Variants in PLEKHG4B observed in about 807,000 individuals in gnomAD.
PLEKHG4B encodes pleckstrin homology domain-containing family G member 4B.
Under a neutral mutation model 121.3 loss-of-function variants are expected in PLEKHG4B, and 111 were observed. That is an observed-to-expected ratio of 0.92 (90% CI 0.78 to 1.07). The LOEUF (loss-of-function observed/expected upper bound fraction) is 1.07. Ranked by LOEUF, PLEKHG4B falls within the 50% of genes least tolerant of loss-of-function variation. PLEKHG4B has a pLI of 0.00. For missense variants in PLEKHG4B, 1,831 were observed against 1,757.8 expected (o/e 1.04, Z -0.74); for synonymous variants, 738 against 725.0 (o/e 1.02, Z -0.29).
chr5:116,108 T>C (rs1734300202), intron 2 of PLEKHG4B, among the ~76,000 whole-genome samples: 1 of 152,202 alleles, frequency 6.6e-6, no homozygotes, highest in Non-Finnish European at 1.5e-5. Context: ...TGTCCAACTC[T>C]TCCTTTGACT....
At chr5:135,665 CAAAA>C (rs139636561) in intron 2 of PLEKHG4B, among the ~76,000 whole-genome samples, 243 of 18,092 alleles carry the variant, frequency 0.013, 14 homozygotes, top group African/African-American at 0.046. Context: ...GACTCCATCT[CAAAA>C]AAAAAAAAAA....
chr5:119,773 G>C (rs1214776070), intron 2 of PLEKHG4B, among the ~76,000 whole-genome samples: 1 of 152,172 alleles, frequency 6.6e-6, no homozygotes, highest in Non-Finnish European at 1.5e-5. Flanking sequence ...GACCTTCTTT[G>C]CTGAGACAAG....
intron 1 of PLEKHG4B, among the ~76,000 whole-genome samples, chr5:95,738 T>C (rs1733611388): frequency 6.6e-6 from 1 of 152,174 alleles, no homozygotes; most frequent in Non-Finnish European, 1.5e-5. Context: ...CTCCAGTGTC[T>C]AGTGGAGGGA....
In PLEKHG4B at chr5:184,686, G is replaced by A. The variant is rs1411998607; in HGVS notation, c.*2363G>A. The A allele has an allele frequency of 6.6e-6, 1 of 152,230 alleles. No individual in the cohort carries two copies. Among genetic ancestry groups the A allele is most frequent in the Admixed American group, 6.5e-5 (1 of 15,284 alleles). 9.4% of individuals were successfully genotyped at this position (152,230 alleles called of 1,614,324 possible). On this transcript the variant is annotated 3_prime_UTR_variant, in exon 20 of 20. Coordinates refer to ENST00000637938, the MANE Select transcript of PLEKHG4B (RefSeq NM_052909.5). ...GCCCCAAGGAATGAGTGCTGGCAGT[G>A]AGCTGCACTTTTTTTTTCTCTAAAC...
At chr5:143,762 T>A (rs921068390) in intron 5 of PLEKHG4B, among the ~76,000 whole-genome samples, 1 of 152,180 alleles carries the variant, frequency 6.6e-6, no homozygotes, top group African/African-American at 2.4e-5. Flanking sequence ...GCACACTCAC[T>A]CTTTGGACCA....
intron 1 of PLEKHG4B, among the ~76,000 whole-genome samples, chr5:104,333 T>C (rs1733911272): frequency 6.6e-6 from 1 of 152,234 alleles, no homozygotes; most frequent in Admixed American, 6.5e-5. Flanking sequence ...CTCACAGATG[T>C]GCATGTGCCA....
chr5:156,692 G>C lies in PLEKHG4B; in HGVS notation c.2349-81G>C, dbSNP rs1166417119. ...TGGCATGAGGGAATGGAAAGAGCAG[G>C]GTTTTTATATGGGGTTGTCACCAAG... On this transcript the variant is annotated intron_variant, in intron 10 of 19. Coordinates refer to ENST00000637938, the MANE Select transcript of PLEKHG4B (RefSeq NM_052909.5). This position sits in a 1 kb window ranked among gnomAD's most constrained non-coding sequence, Gnocchi z 4.4. 1.4e-6 allele frequency: 2 copies of C among 1,474,546 alleles called. No homozygotes were observed. The highest frequency in any genetic ancestry group is 4.6e-5 in the Admixed American group (2 of 43,400). 91.3% of individuals were successfully genotyped at this position (1,474,546 alleles called of 1,614,324 possible). A position where few individuals can be genotyped will look rare whatever the true frequency, so the allele number is the denominator to read the frequency against.
chr5:117,121 C>T (rs992167698), intron 2 of PLEKHG4B, among the ~76,000 whole-genome samples: 3 of 152,130 alleles, frequency 2.0e-5, no homozygotes, highest in African/African-American at 7.2e-5. Flanking sequence ...AATTATGGTA[C>T]TTTAATATGG....
intron 6 of PLEKHG4B, among the ~76,000 whole-genome samples, chr5:147,956 A>G (rs1375409327): frequency 6.6e-6 from 1 of 152,202 alleles, no homozygotes; most frequent in Non-Finnish European, 1.5e-5. Flanking sequence ...GATCAGTGTA[A>G]ACAGAATGAA....
Position 171,150 on chromosome 5 carries a change from G to GC in PLEKHG4B, c.3819+24dup, listed in dbSNP as rs752358190. 6 of 1,608,622 alleles carry GC rather than the reference G, an allele frequency of 3.7e-6. No individual in the cohort carries two copies. The highest frequency in any genetic ancestry group is 4.5e-5 in the East Asian group (2 of 44,798). On this transcript the variant is annotated intron_variant, in intron 15 of 19. Coordinates refer to ENST00000637938, the MANE Select transcript of PLEKHG4B (RefSeq NM_052909.5). ...TCTTCAAGGTCATCCCCCTCGGCCCGCCCCCCACAGCCTGCCCGGCCCTCA... is the reference window on the plus strand; with the variant it reads ...TCTTCAAGGTCATCCCCCTCGGCCCGCCCCCCCACAGCCTGCCCGGCCCTCA...
intron 13 of PLEKHG4B, among the ~76,000 whole-genome samples, chr5:164,526 CTGTGACAGGGGGCGGAGCTCACACAG>C (rs1736182176): frequency 1.1e-5 from 1 of 87,964 alleles, no homozygotes. Flanking sequence ...CACAGTAATG[CTGTGACAGGGGGCGGAGCTCACACAG>C]TAATGCTCTG....
At chr5:164,748 T>TCA (rs1223340767) in intron 13 of PLEKHG4B, among the ~76,000 whole-genome samples, 3 of 108,672 alleles carry the variant, frequency 2.8e-5, no homozygotes, top group African/African-American at 3.9e-5. Context: ...GGGGCGGGGC[T>TCA]CACAGTAATC....
At chr5:152,602 ATCTG>A (rs559334648) in intron 7 of PLEKHG4B, among the ~76,000 whole-genome samples, 74 of 152,210 alleles carry the variant, frequency 4.9e-4, no homozygotes, top group Middle Eastern at 3.4e-3. Context: ...ATCTCTAAGA[ATCTG>A]TCTTTTTTAA....
intron 16 of PLEKHG4B, among the ~76,000 whole-genome samples, chr5:172,550 G>A (rs1454061146): frequency 6.6e-6 from 1 of 152,214 alleles, no homozygotes. Flanking sequence ...GGTTTACCTT[G>A]TGATCTCTGC....
At chr5:145,365 C>T (rs1048249441) in intron 6 of PLEKHG4B, among the ~76,000 whole-genome samples, 8 of 152,208 alleles carry the variant, frequency 5.3e-5, no homozygotes. Context: ...CCATAGTTCA[C>T]TGCAAGGATG....
intron 1 of PLEKHG4B, among the ~76,000 whole-genome samples, chr5:103,578 T>C (rs1733886306): frequency 6.6e-6 from 1 of 152,224 alleles, no homozygotes; most frequent in Non-Finnish European, 1.5e-5. Flanking sequence ...TCCTTTTCTA[T>C]TCCTTCTTAA....
chr5:172,113 G>A (rs1320446859), intron 16 of PLEKHG4B, among the ~76,000 whole-genome samples: 5 of 152,256 alleles, frequency 3.3e-5, no homozygotes, highest in Non-Finnish European at 7.3e-5. Context: ...GACCCCACAT[G>A]AGCTGGAAAA....
At chr5:106,647 T>C (rs1017936650) in intron 1 of PLEKHG4B, among the ~76,000 whole-genome samples, 19 of 152,210 alleles carry the variant, frequency 1.2e-4, no homozygotes, top group African/African-American at 4.3e-4. Context: ...GCAAGCTCCA[T>C]GCATTGCTGA....
chr5:135,066 G>A (rs1264648511), intron 2 of PLEKHG4B, among the ~76,000 whole-genome samples: 1 of 151,044 alleles, frequency 6.6e-6, no homozygotes, highest in Non-Finnish European at 1.5e-5. Flanking sequence ...GCGGGCGCCT[G>A]TAGTCCCAGC....
Sources: gnomAD v4.1 joint callset for allele counts (sites outside exome capture counted in the v4.1 genomes callset) on GRCh38, gnomAD v4.1.1 for gene constraint, Gnocchi (gnomAD v3.1) non-coding constraint, MANE v1.5 for transcripts, NCBI Gene and HGNC (gene_info 2026-07-23, HGNC 2026-07-21) for gene names.